MYCBP2: variants seen among roughly 807,000 people sequenced by gnomAD.
MYCBP2 encodes E3 ubiquitin-protein ligase MYCBP2.
A neutral mutation model predicts 525.3 loss-of-function variants in MYCBP2; 120 were observed. The ratio of observed to expected loss-of-function variants is 0.23; its 90% CI spans 0.20 to 0.27. MYCBP2 has a LOEUF of 0.27. Ranked by LOEUF, MYCBP2 falls within the 10% of genes least tolerant of loss-of-function variation. MYCBP2 has a pLI of 1.00. For missense variants in MYCBP2, 4,149 were observed against 5,657.1 expected (o/e 0.73, Z 8.55); for synonymous variants, 1,894 against 1,955.8 (o/e 0.97, Z 0.83).
intron 52 of MYCBP2, among the ~76,000 whole-genome samples, chr13:77,130,676 A>G (rs75040389): frequency 6.6e-6 from 1 of 152,144 alleles, no homozygotes; most frequent in Admixed American, 6.5e-5. Context: ...AAAAATGTCT[A>G]TACTGGTTCA....
At chr13:77,269,469 C>T (rs1031517046) in intron 7 of MYCBP2, among the ~76,000 whole-genome samples, 1 of 152,032 alleles carries the variant, frequency 6.6e-6, no homozygotes, top group Non-Finnish European at 1.5e-5. Flanking sequence ...AACCCTGTCT[C>T]TACTAAAAAT....
chr13:77,061,562 C>A, intron 75 of MYCBP2, 100 bp downstream of exon 75: 1 of 1,374,764 alleles, frequency 7.3e-7, no homozygotes, highest in Non-Finnish European at 9.8e-7. Context: ...GTCTTTGATT[C>A]CAAAGTCCAC....
At chr13:77,175,687 G>A (rs1227930633) in intron 36 of MYCBP2, among the ~76,000 whole-genome samples, 4 of 152,184 alleles carry the variant, frequency 2.6e-5, no homozygotes, top group Middle Eastern at 3.4e-3. Context: ...TAGGCTGGGC[G>A]CGGTGGCTCA....
chr13:77,049,675 G>A (rs1321296500), intron 82 of MYCBP2, among the ~76,000 whole-genome samples: 6 of 151,252 alleles, frequency 4.0e-5, no homozygotes, highest in South Asian at 2.1e-4. Context: ...CAGCTCTGTC[G>A]CCCAGGCTGG....
chr13:77,232,029 T>G (rs1219924406), intron 18 of MYCBP2, among the ~76,000 whole-genome samples: 1 of 152,232 alleles, frequency 6.6e-6, no homozygotes, highest in Non-Finnish European at 1.5e-5. Context: ...ACTATTTTTA[T>G]TTCTGCAGAG....
chr13:77,123,968 C>A (rs914357177), intron 54 of MYCBP2, among the ~76,000 whole-genome samples: 3 of 152,078 alleles, frequency 2.0e-5, no homozygotes, highest in Middle Eastern at 3.2e-3. Context: ...TTACATCAAG[C>A]GGAACCCTTA....
chr13:77,205,628 C>G (rs746764214), intron 24 of MYCBP2, 30 bp from the exon 25 acceptor site: 3 of 1,595,278 alleles, frequency 1.9e-6, no homozygotes, highest in Non-Finnish European at 8.5e-7. Flanking sequence ...AAATTTAACT[C>G]CTTGAAATTA....
chr13:77,159,888 T>C (rs536253335), intron 44 of MYCBP2, among the ~76,000 whole-genome samples: 63 of 152,308 alleles, frequency 4.1e-4, no homozygotes, highest in African/African-American at 1.5e-3. Context: ...TGACACATAT[T>C]GTTTATTATA....
chr13:77,181,382 C>T (rs140865970), intron 33 of MYCBP2, among the ~76,000 whole-genome samples: 1 of 152,124 alleles, frequency 6.6e-6, no homozygotes, highest in African/African-American at 2.4e-5. Flanking sequence ...TGTAAAGTAT[C>T]TGCAACTTAC....
Position 77,185,318 on chromosome 13 carries a change from T to C in MYCBP2, c.4504A>G (p.Arg1502Gly), listed in dbSNP as rs1366378307. The change falls in exon 32 of 83, where the codon AGA becomes GGA. Residue 1502 changes from arginine (R) to glycine (G), a missense_variant. Coordinates refer to ENST00000544440, the MANE Select transcript of MYCBP2 (RefSeq NM_015057.5). ...SKLAECIGKT[R>G]TLLRKILSEG... ...GATAAAATTTTTCTTAACAAAGTTC[T>C]GGTTTTTCCAATACACTCTGCTAAT... 1 of 1,614,060 alleles carries C rather than the reference T, an allele frequency of 6.2e-7. No homozygotes were observed. The highest frequency in any genetic ancestry group is 8.5e-7 in the Non-Finnish European group (1 of 1,179,998).
At chr13:77,164,680 G>A in intron 42 of MYCBP2, 139 bp from the exon 43 acceptor site, 1 of 658,520 alleles carries the variant, frequency 1.5e-6, no homozygotes, top group South Asian at 1.8e-5. Flanking sequence ...ATTGAGAGTA[G>A]ATGAGATTCA....
rs376439838 is a variant in MYCBP2 at position 77,270,087 on chromosome 13, A to G, written c.1189-24T>C. ...CCCTGCAAAAAAAACAAAAGTTAGTATATCAGTGGTTTCATAATTAATAAT... is the reference window on the plus strand; with the variant it reads ...CCCTGCAAAAAAAACAAAAGTTAGTGTATCAGTGGTTTCATAATTAATAAT... On this transcript the variant is annotated intron_variant, in intron 6 of 82. Coordinates refer to ENST00000544440, the MANE Select transcript of MYCBP2 (RefSeq NM_015057.5). 2.5e-5 allele frequency: 39 copies of G among 1,570,988 alleles called. No homozygotes were observed. The African/African-American group carries it at 3.2e-4, about 13-fold the overall frequency.
intron 76 of MYCBP2, among the ~76,000 whole-genome samples, chr13:77,059,829 T>C (rs893942677): frequency 5.9e-5 from 9 of 152,114 alleles, no homozygotes; most frequent in Non-Finnish European, 1.3e-4. Flanking sequence ...TAAAGACCTA[T>C]CTGAAGCCAA....
Position 77,069,884 on chromosome 13 carries a change from A to T in MYCBP2, c.11904+747T>A, listed in dbSNP as rs560757375. ...CTCCCTCTCGAAAAAAAAAAAAGTTAGAATAATAGGTTAATTTAAAATCAA... is the reference window on the plus strand; with the variant it reads ...CTCCCTCTCGAAAAAAAAAAAAGTTTGAATAATAGGTTAATTTAAAATCAA... On this transcript the variant is annotated intron_variant, in intron 69 of 82. Coordinates refer to ENST00000544440, the MANE Select transcript of MYCBP2 (RefSeq NM_015057.5). Among the ~76,000 whole-genome samples the T allele has an allele frequency of 3.3e-5, 5 of 152,008 alleles. No individual in the cohort carries two copies. In the East Asian group the frequency reaches 9.7e-4, roughly 29 times the overall value.
At chr13:77,138,324 A>G (rs1338164840) in intron 52 of MYCBP2, among the ~76,000 whole-genome samples, 1 of 152,222 alleles carries the variant, frequency 6.6e-6, no homozygotes, top group Non-Finnish European at 1.5e-5. Flanking sequence ...ATTGTCTTGT[A>G]TTATATAAAC....
chr13:77,059,434 G>A, intron 77 of MYCBP2, 89 bp downstream of exon 77: 1 of 951,258 alleles, frequency 1.1e-6, no homozygotes, highest in Non-Finnish European at 1.7e-6. Flanking sequence ...AAGCTGGAGT[G>A]ACGCTGAGCT....
intron 17 of MYCBP2, among the ~76,000 whole-genome samples, chr13:77,235,382 G>C (rs946822416): frequency 1.1e-4 from 17 of 152,016 alleles, no homozygotes; most frequent in Middle Eastern, 3.4e-3. Flanking sequence ...AAAGGAATAG[G>C]ATATAAATTA....
intron 52 of MYCBP2, among the ~76,000 whole-genome samples, chr13:77,137,756 T>C (rs1453274704): frequency 1.3e-5 from 2 of 152,100 alleles, no homozygotes; most frequent in Non-Finnish European, 2.9e-5. Context: ...ACCTGGCTAA[T>C]TTTTTGCATT....
chr13:77,067,889 A>G, intron 70 of MYCBP2, 25 bp from the exon 71 acceptor site: 2 of 1,581,252 alleles, frequency 1.3e-6, no homozygotes, highest in Non-Finnish European at 1.7e-6. Context: ...AAAATGAGAG[A>G]ATTCCATGTA....
Sources: allele counts gnomAD v4.1 joint callset (sites outside exome capture counted in the v4.1 genomes callset), GRCh38; gene constraint gnomAD v4.1.1; transcripts MANE v1.5; gene names NCBI Gene and HGNC (gene_info 2026-07-23, HGNC 2026-07-21).